Variants in LGR5 observed in about 807,000 individuals in gnomAD.
The protein encoded by LGR5 is leucine rich repeat containing G protein-coupled receptor 5.
A neutral mutation model predicts 76.7 loss-of-function variants in LGR5; 54 were observed. That is an observed-to-expected ratio of 0.70 (90% CI 0.57 to 0.88). The LOEUF is 0.88. Ranked by LOEUF, LGR5 falls within the 40% of genes least tolerant of loss-of-function variation. LGR5 has a pLI of 0.00. For missense variants in LGR5, 1,078 were observed against 1,073.3 expected (o/e 1.00, Z -0.06); for synonymous variants, 406 against 421.9 (o/e 0.96, Z 0.46).
Position 71,553,181 on chromosome 12 carries a change from C to G in LGR5, c.537C>G (p.Val179=). 1 of 1,614,060 alleles carries G rather than the reference C, an allele frequency of 6.2e-7. No individual in the cohort carries two copies. The highest frequency in any genetic ancestry group is 8.5e-7 in the Non-Finnish European group (1 of 1,180,008). ...ACAATGCGTTAACAGAAATCCCCGT[C>G]CAGGCTTTTAGAAGTTTATCGGCAT... is the stretch of plus-strand genomic sequence containing the variant. The part of the protein sequence containing the change: ...LDDNALTEIP[V]QAFRSLSALQ... Residue 179 remains valine, a synonymous_variant, in exon 5 of 18, where the codon GTC becomes GTG. Transcript: ENST00000266674.
chr12:71,565,653 A>G (rs1284648491), intron 8 of LGR5, among the ~76,000 whole-genome samples: 1 of 150,512 alleles, frequency 6.6e-6, no homozygotes, highest in Admixed American at 6.7e-5. Flanking sequence ...TAGTTACCCA[A>G]TGACAGCTTT....
chr12:71,508,033 A>C (rs571264089), intron 2 of LGR5, among the ~76,000 whole-genome samples: 1 of 151,638 alleles, frequency 6.6e-6, no homozygotes, highest in South Asian at 2.1e-4. Flanking sequence ...ATCCTGGCCA[A>C]CATGGTGAAA....
intron 13 of LGR5, among the ~76,000 whole-genome samples, chr12:71,576,945 C>T (rs1053071652): frequency 2.0e-5 from 3 of 152,158 alleles, no homozygotes; most frequent in South Asian, 2.1e-4. Flanking sequence ...GTTTCCTCCC[C>T]TTGTTAGCTG....
intron 4 of LGR5, among the ~76,000 whole-genome samples, chr12:71,536,957 T>C (rs1876621917): frequency 6.6e-6 from 1 of 152,172 alleles, no homozygotes; most frequent in Admixed American, 6.5e-5. Context: ...GGGTTAACTT[T>C]CTGGTTTGAC....
intron 4 of LGR5, among the ~76,000 whole-genome samples, chr12:71,550,496 T>A (rs1877427845): frequency 6.7e-6 from 1 of 149,310 alleles, no homozygotes; most frequent in Non-Finnish European, 1.5e-5. Context: ...AGTCTCACTC[T>A]GTTGGCCAGG....
At chr12:71,528,664 C>T (rs1177324361) in intron 3 of LGR5, among the ~76,000 whole-genome samples, 2 of 151,940 alleles carry the variant, frequency 1.3e-5, no homozygotes, top group Non-Finnish European at 2.9e-5. Context: ...TGTATTATTG[C>T]CTTTTAAAGT....
intron 1 of LGR5, among the ~76,000 whole-genome samples, chr12:71,478,814 G>C (rs2137255916): frequency 6.6e-6 from 1 of 152,132 alleles, no homozygotes; most frequent in East Asian, 1.9e-4. Flanking sequence ...CCTTTGTTTT[G>C]GGTTTAAAAT....
intron 1 of LGR5, among the ~76,000 whole-genome samples, chr12:71,502,429 CT>C (rs1381896316): frequency 1.3e-5 from 2 of 151,970 alleles, no homozygotes; most frequent in East Asian, 3.9e-4. Flanking sequence ...AACTCCTGAC[CT>C]CGGGTGACCC....
At chr12:71,466,764 T>C (rs1565664767) in intron 1 of LGR5, among the ~76,000 whole-genome samples, 1 of 152,084 alleles carries the variant, frequency 6.6e-6, no homozygotes, top group African/African-American at 2.4e-5. Context: ...TAAGGTCTGG[T>C]TGTCATTTTC....
intron 4 of LGR5, among the ~76,000 whole-genome samples, chr12:71,540,567 T>C (rs1876825877): frequency 6.6e-6 from 1 of 152,158 alleles, no homozygotes; most frequent in South Asian, 2.1e-4. Flanking sequence ...CTCTATAAAA[T>C]GTCAATAACT....
rs901562851 is a variant in LGR5 at position 71,522,564 on chromosome 12, G to T, written c.285-1842G>T. Among the ~76,000 whole-genome samples, 67 of 151,886 alleles carry T rather than the reference G, an allele frequency of 4.4e-4. 1 individual carries two copies. Among genetic ancestry groups the T allele is most frequent in the Non-Finnish European group, 1.0e-4 (7 of 67,976 alleles). ...TTCACAAATATATTTGGAAACAAAG[G>T]TTTTTATAAAACAATACTTCAGCCA... is the stretch of plus-strand genomic sequence containing the variant. On this transcript the variant is annotated intron_variant, in intron 2 of 17. Coordinates refer to ENST00000266674, the MANE Select transcript of LGR5 (RefSeq NM_003667.4).
Position 71,561,696 on chromosome 12 carries a change from T to A in LGR5, c.786-85T>A, listed in dbSNP as rs566847952. 5.9e-5 allele frequency: 39 copies of A among 656,192 alleles called. No individual in the cohort carries two copies. In the South Asian group the frequency reaches 7.7e-4, roughly 13 times the overall value. The allele number at this position is 656,192 out of a possible 1,614,324, so 40.6% of individuals were successfully genotyped here. A position where few individuals can be genotyped will look rare whatever the true frequency, so the allele number is the denominator to read the frequency against. The stretch of plus-strand genomic sequence containing the variant: ...TCCTCTGGTTACTAAAGGTTCTGAT[T>A]ATTGCCACTGTGGTCAGGGTGGGGG... On this transcript the variant is annotated intron_variant, in intron 7 of 17. Transcript: ENST00000266674.
intron 4 of LGR5, among the ~76,000 whole-genome samples, chr12:71,550,442 T>C (rs1037059257): frequency 6.7e-6 from 1 of 148,852 alleles, no homozygotes; most frequent in African/African-American, 2.5e-5. Context: ...CCAAGACTTT[T>C]AGAAACCACT....
chr12:71,458,072 G>A (rs1314505183), intron 1 of LGR5, among the ~76,000 whole-genome samples: 1 of 151,944 alleles, frequency 6.6e-6, no homozygotes, highest in African/African-American at 2.4e-5. Flanking sequence ...TAGATGAGAA[G>A]GAAAGATTTT....
chr12:71,440,393 G>C lies in LGR5; in HGVS notation c.212+101G>C, dbSNP rs951201050. ...CTCCTCGGCGCCCGCCTGCTCGTGG[G>C]GGAGGGGGGCGAGTTTGTCAAGGGC... On this transcript the variant is annotated intron_variant, in intron 1 of 17. Transcript: ENST00000266674. This position sits in a 1 kb window ranked among gnomAD's most constrained non-coding sequence, Gnocchi z 5.3. 2.9e-5 allele frequency: 34 copies of C among 1,160,216 alleles called. No homozygotes were observed. The highest frequency in any genetic ancestry group is 3.4e-5 in the Non-Finnish European group (27 of 798,954). The allele number at this position is 1,160,216 out of a possible 1,614,324, so 71.9% of individuals were successfully genotyped here.
At chr12:71,563,771 T>C (rs1017440052) in intron 8 of LGR5, among the ~76,000 whole-genome samples, 3 of 152,136 alleles carry the variant, frequency 2.0e-5, no homozygotes, top group African/African-American at 7.2e-5. Flanking sequence ...AGTTCCCTCC[T>C]GAGAACCCTA....
intron 4 of LGR5, among the ~76,000 whole-genome samples, chr12:71,548,321 G>GTGTGTGTGTGTGTGTA (rs147007812): frequency 0.059 from 8,946 of 151,210 alleles, 344 homozygotes; most frequent in Non-Finnish European, 0.075. Context: ...GTGTGTGTGT[G>GTGTGTGTGTGTGTGTA]TGTGCGTAGA....
chr12:71,538,252 C>A (rs932662794), intron 4 of LGR5, among the ~76,000 whole-genome samples: 10 of 152,164 alleles, frequency 6.6e-5, no homozygotes, highest in Non-Finnish European at 1.2e-4. Context: ...GTGGCTCATG[C>A]CTGTAATCTC....
At chr12:71,577,189 A>G (rs567626302) in intron 13 of LGR5, among the ~76,000 whole-genome samples, 7 of 152,340 alleles carry the variant, frequency 4.6e-5, no homozygotes, top group Non-Finnish European at 1.0e-4. Flanking sequence ...AGTCATTTAC[A>G]AAAATTAAAA....
Sources: allele counts gnomAD v4.1 joint callset (sites outside exome capture counted in the v4.1 genomes callset), GRCh38; gene constraint gnomAD v4.1.1; non-coding constraint Gnocchi (gnomAD v3.1); transcripts MANE v1.5; gene names NCBI Gene and HGNC (gene_info 2026-07-23, HGNC 2026-07-21).